KLK8: variants seen among roughly 807,000 people sequenced by gnomAD.
KLK8 encodes kallikrein-8.
In KLK8, 18 loss-of-function variants were observed where a neutral mutation model predicts 26.7. The ratio of observed to expected loss-of-function variants is 0.67; its 90% CI spans 0.47 to 1.00. The LOEUF is 1.00. Among genes scored for constraint, KLK8 ranks in the 50% least tolerant of loss-of-function variants. The pLI, the probability that KLK8 is intolerant of heterozygous loss-of-function variation, is 0.00. For missense variants in KLK8, 301 were observed against 331.7 expected, an observed-to-expected ratio of 0.91 and a Z score of 0.72; for synonymous variants, 137 against 127.1, an observed-to-expected ratio of 1.08 and a Z score of -0.52.
intron 3 of KLK8, 107 bp from the exon 3 acceptor site, chr19:51,000,690 C>T (rs761331799): frequency 2.7e-5 from 42 of 1,556,228 alleles, no homozygotes; most frequent in South Asian, 2.4e-5. Flanking sequence ...CCGCATACAA[C>T]TTAGTGAGGA....
At chr19:50,999,583 CAAAAAAAAAAAAAAAAAAAAAAAAA>C (rs56988162) in intron 5 of KLK8, among the ~76,000 whole-genome samples, 83 of 30,298 alleles carry the variant, frequency 2.7e-3, no homozygotes, top group Middle Eastern at 0.023. Flanking sequence ...TGTCCCCCTG[CAAAAAAAAAAAAAAAAAAAAAAAAA>C]AAAAAAAAAA....
Position 50,997,750 on chromosome 19 carries a change from C to G in KLK8, c.627+1G>C. ...GGAGAAGGATTTCAGAAATTGCTCACCTGGCACGTGTCAGCCCCTTTGCTG... is the reference window on the plus strand; with the variant it reads ...GGAGAAGGATTTCAGAAATTGCTCAGCTGGCACGTGTCAGCCCCTTTGCTG... On this transcript the variant is annotated splice_donor_variant, in intron 6 of 6. Coordinates refer to ENST00000600767, the Ensembl canonical transcript of KLK8. LOFTEE classifies it high-confidence loss of function. 1.2e-6 allele frequency: 2 copies of G among 1,613,874 alleles called. No individual in the cohort carries two copies. Among genetic ancestry groups the G allele is most frequent in the Non-Finnish European group, 1.7e-6 (2 of 1,179,970 alleles).
At chr19:50,997,400 G>T (rs2091180197) in intron 6 of KLK8, among the ~76,000 whole-genome samples, 1 of 152,110 alleles carries the variant, frequency 6.6e-6, no homozygotes, top group Non-Finnish European at 1.5e-5. Context: ...ACGATGTAAT[G>T]CTGGGAACCA....
chr19:50,997,678 C>A, intron 6 of KLK8, 73 bp downstream of exon 5: 1 of 1,564,490 alleles, frequency 6.4e-7, no homozygotes, highest in African/African-American at 1.4e-5. Flanking sequence ...ACCACCCCCA[C>A]CCCCATCCAA....
intron 5 of KLK8, among the ~76,000 whole-genome samples, chr19:50,998,486 A>T (rs10407580): frequency 0.039 from 5,902 of 152,278 alleles, 222 homozygotes; most frequent in African/African-American, 0.093. Context: ...CAGCGCCTGC[A>T]ACAGCACCTC....
chr19:51,000,865 G>A, intron 3 of KLK8: 1 of 883,412 alleles, frequency 1.1e-6, no homozygotes, highest in Non-Finnish European at 1.7e-6. Context: ...GCCCCCAAAG[G>A]CTGTAGCTAT....
rs765193537 is a variant in KLK8, at chr19:51,000,715, C to A, written c.71-132G>T. 6 of 1,531,036 alleles carry A rather than the reference C, an allele frequency of 3.9e-6. No individual in the cohort carries two copies. Among genetic ancestry groups the A allele is most frequent in the Non-Finnish European group, 5.3e-6 (6 of 1,135,660 alleles). 94.8% of individuals were successfully genotyped at this position (1,531,036 alleles called of 1,614,324 possible). ...CTTAGTGAGGAGGTCCAGGCTTCCA[C>A]ACGCTGCCACACGGGGACACTCATT... On this transcript the variant is annotated intron_variant, in intron 3 of 6. Transcript: ENST00000600767.
chr19:50,998,062 C>G, intron 5 of KLK8, 178 bp from the exon 5 acceptor site: 2 of 700,028 alleles, frequency 2.9e-6, no homozygotes, highest in Non-Finnish European at 4.6e-6. Context: ...CGAAGCTGTA[C>G]TTGTTGCTAT....
chr19:51,000,866 C>T, intron 3 of KLK8: 1 of 881,862 alleles, frequency 1.1e-6, no homozygotes, highest in Non-Finnish European at 1.7e-6. Flanking sequence ...CCCCCAAAGG[C>T]TGTAGCTATT....
chr19:50,999,078 T>G (rs991352732), intron 5 of KLK8: 1 of 152,210 alleles, frequency 6.6e-6, no homozygotes, highest in Non-Finnish European at 1.5e-5. Flanking sequence ...TCCTTGACTC[T>G]CTTAGGTGAG....
At chr19:51,000,022 C>A in exon 5 of KLK8, 1 of 1,606,786 alleles carries the variant, frequency 6.2e-7, no homozygotes, top group Non-Finnish European at 8.5e-7. Context: ...AGTGCCCCAG[C>A]CTGAGACGGT....
chr19:51,001,159 G>C (rs34542531), exon 3 of KLK8: 28,421 of 1,612,934 alleles, frequency 0.018, 386 homozygotes, highest in Middle Eastern at 0.064. Context: ...GAGGTCGGGG[G>C]CGTCCCATGG....
At chr19:50,998,882 A>G (rs751965312) in intron 5 of KLK8, 1 of 152,224 alleles carries the variant, frequency 6.6e-6, no homozygotes, top group Non-Finnish European at 1.5e-5. Flanking sequence ...CAGATAAGGA[A>G]AGTGAGGCTC....
At chr19:50,996,181 C>T (rs1159395035) in exon 7 of KLK8, 2 of 1,614,168 alleles carry the variant, frequency 1.2e-6, no homozygotes, top group South Asian at 1.1e-5. Flanking sequence ...CCCTGGAGTG[C>T]ACCATCACAC....
chr19:51,000,304 C>T (rs1272729474), intron 4 of KLK8, 46 bp from the exon 4 acceptor site: 1 of 1,546,538 alleles, frequency 6.5e-7, no homozygotes, highest in South Asian at 1.2e-5. Context: ...GGTATTGCCC[C>T]CAGCCCCCTC....
At chr19:50,997,660 A>G in intron 6 of KLK8, 91 bp downstream of exon 5, 1 of 1,423,828 alleles carries the variant, frequency 7.0e-7, no homozygotes. Flanking sequence ...CTTTGGGGTC[A>G]CTCCCTTACC....
chr19:50,996,126 G>C (rs2091163125), exon 7 of KLK8: 2 of 1,614,126 alleles, frequency 1.2e-6, no homozygotes, highest in African/African-American at 2.7e-5. Context: ...ATAGACGCCA[G>C]GTTTGTCGGA....
chr19:50,999,583 CAAAAAAAAAAAAAAAAAAAAAAAA>C (rs56988162), intron 5 of KLK8, among the ~76,000 whole-genome samples: 1,136 of 30,318 alleles, frequency 0.037, 45 homozygotes, highest in African/African-American at 0.093. Flanking sequence ...TGTCCCCCTG[CAAAAAAAAAAAAAAAAAAAAAAAA>C]AAAAAAAAAA....
intron 5 of KLK8, among the ~76,000 whole-genome samples, chr19:50,998,723 C>A (rs961606714): frequency 6.6e-6 from 1 of 152,172 alleles, no homozygotes; most frequent in Admixed American, 6.5e-5. Context: ...ATTATTTATT[C>A]ATCAGGTCAT....
Sources: allele counts gnomAD v4.1 joint callset (sites outside exome capture counted in the v4.1 genomes callset), GRCh38; gene constraint gnomAD v4.1.1; transcripts MANE v1.5; gene names NCBI Gene and HGNC (gene_info 2026-07-23, HGNC 2026-07-21).